The following NCOA1 variants were observed in gnomAD, a reference collection of about 807,000 sequenced individuals.
NCOA1 encodes the protein Hin-2 protein.
A neutral mutation model predicts 150.9 loss-of-function variants in NCOA1; 35 were observed. The observed-to-expected ratio is 0.23, with a 90% CI of 0.18 to 0.31. The LOEUF is 0.31. NCOA1 is among the 10% of genes least tolerant of loss of function. The pLI is 1.00. For missense variants in NCOA1, 1,491 were observed against 1,749.3 expected (o/e 0.85, Z 2.63); for synonymous variants, 590 against 630.0 (o/e 0.94, Z 0.95).
chr2:24,728,913 A>G (rs1572650414), intron 16 of NCOA1, among the ~76,000 whole-genome samples: 1 of 152,268 alleles, frequency 6.6e-6, no homozygotes, highest in East Asian at 1.9e-4. Flanking sequence ...ACAAAGTATG[A>G]GAATGCATAG....
intron 4 of NCOA1, among the ~76,000 whole-genome samples, chr2:24,653,834 G>A (rs965568051): frequency 1.3e-5 from 2 of 152,052 alleles, no homozygotes; most frequent in African/African-American, 4.8e-5. Context: ...TGAAGTAAGC[G>A]TTAGCCAACT....
chr2:24,705,131 T>C lies in NCOA1; in HGVS notation c.995T>C (p.Leu332Ser). Residue 332 changes from leucine to serine, a missense_variant, in exon 12 of 23, where the codon TTG (leucine) becomes TCG (serine). Leu to Ser is a moderately radical substitution (Grantham distance 145, BLOSUM62 -2). Around this residue, in one of 8 missense-constraint regions of NCOA1, gnomAD observed 703 missense variants for 717.7 expected, o/e 0.98. Transcript: ENST00000348332. The part of the protein sequence containing the change: ...TASSPSYRFI[L>S]NDGTMLSAHT... ...TCCAGCCCCTCCTATAGATTCATAT[T>C]GAATGATGGGACAATGCTTAGCGCC... 6.2e-7 allele frequency: 1 copy of C among 1,614,170 alleles called. No homozygotes were observed. The highest frequency in any genetic ancestry group is 8.5e-7 in the Non-Finnish European group (1 of 1,179,994).
chr2:24,731,988 A>G (rs1663038819), intron 17 of NCOA1, among the ~76,000 whole-genome samples: 1 of 152,238 alleles, frequency 6.6e-6, no homozygotes, highest in African/African-American at 2.4e-5. Flanking sequence ...CCAAAAAAGT[A>G]AAGGAAAGTG....
rs557623173 is a variant in NCOA1, at chr2:24,768,272, G to A, written c.4207G>A (p.Val1403Ile). The A allele has an allele frequency of 6.2e-7, 1 of 1,613,734 alleles. No homozygotes were observed. The highest frequency in any genetic ancestry group is 1.1e-5 in the South Asian group (1 of 91,064). Residue 1403 changes from valine to isoleucine, a missense_variant, in exon 23 of 23, where the codon GTA becomes ATA. Val to Ile is a conservative substitution (Grantham distance 29). This residue lies in a region of NCOA1 where 46 missense variants were observed against 78.8 expected (regional missense o/e 0.58). Coordinates refer to ENST00000348332, the MANE Select transcript of NCOA1 (RefSeq NM_003743.5). The part of the protein sequence containing the change: ...FADVQCTVNL[V>I]GGDPYLNQPG... Reference sequence around the variant, plus strand: ...TGACGTCCAGTGTACAGTGAATCTGGTAGGCGGGGACCCTTACCTGAACCA... The same window carrying A: ...TGACGTCCAGTGTACAGTGAATCTGATAGGCGGGGACCCTTACCTGAACCA...
chr2:24,761,447 T>C (rs1051538957), intron 21 of NCOA1, among the ~76,000 whole-genome samples: 1 of 152,242 alleles, frequency 6.6e-6, no homozygotes, highest in Non-Finnish European at 1.5e-5. Context: ...CTAGCAGTCA[T>C]ATTTGGATCC....
chr2:24,561,321 T>A (rs1666284441), intron 1 of NCOA1, among the ~76,000 whole-genome samples: 1 of 152,134 alleles, frequency 6.6e-6, no homozygotes, highest in Admixed American at 6.5e-5. Context: ...GATTTTTAAA[T>A]CATGAATATA....
At chr2:24,564,712 T>A (rs1158657403) in intron 2 of NCOA1, 1 of 152,098 alleles carries the variant, frequency 6.6e-6, no homozygotes, top group Non-Finnish European at 1.5e-5. Flanking sequence ...TGAGATCAGG[T>A]GTGTTCAGGG....
intron 14 of NCOA1, among the ~76,000 whole-genome samples, chr2:24,716,378 GGA>G (rs1674044467): frequency 6.6e-6 from 1 of 151,956 alleles, no homozygotes; most frequent in Non-Finnish European, 1.5e-5. Flanking sequence ...GCAAAATAAT[GGA>G]GAGTCCAGAA....
chr2:24,576,565 G>C (rs1667001660), intron 2 of NCOA1, among the ~76,000 whole-genome samples: 1 of 152,096 alleles, frequency 6.6e-6, no homozygotes, highest in Non-Finnish European at 1.5e-5. Flanking sequence ...TGTTTCATCT[G>C]TTTTATCCAG....
intron 1 of NCOA1, among the ~76,000 whole-genome samples, chr2:24,525,782 A>G (rs1418921369): frequency 6.6e-6 from 1 of 152,086 alleles, no homozygotes; most frequent in Non-Finnish European, 1.5e-5. Context: ...TCCTGGCCTC[A>G]AGTGATCTGC....
chr2:24,637,424 A>G (rs924302463), intron 3 of NCOA1, among the ~76,000 whole-genome samples: 3 of 151,820 alleles, frequency 2.0e-5, no homozygotes, highest in African/African-American at 7.3e-5. Context: ...CACAATAGCA[A>G]AGACTTGGAA....
chr2:24,610,389 C>T (rs186672599), intron 3 of NCOA1, among the ~76,000 whole-genome samples: 1 of 152,032 alleles, frequency 6.6e-6, no homozygotes, highest in African/African-American at 2.4e-5. Context: ...AATCTGCCCA[C>T]CTTGGCCTCC....
intron 5 of NCOA1, among the ~76,000 whole-genome samples, chr2:24,661,056 C>G (rs897185351): frequency 2.0e-5 from 3 of 150,704 alleles, no homozygotes; most frequent in East Asian, 3.9e-4. Context: ...AGCAAAACTC[C>G]GGCTCAAAAA....
chr2:24,743,547 C>A (rs990064508), intron 19 of NCOA1, among the ~76,000 whole-genome samples: 11 of 152,180 alleles, frequency 7.2e-5, no homozygotes, highest in African/African-American at 2.7e-4. Context: ...GATTATAAAT[C>A]CATATTTTAA....
chr2:24,688,548 C>A (rs980597598), intron 8 of NCOA1, among the ~76,000 whole-genome samples: 1 of 152,078 alleles, frequency 6.6e-6, no homozygotes, highest in Non-Finnish European at 1.5e-5. Context: ...ATATGTGTGT[C>A]TTCTTTTGAA....
chr2:24,601,301 C>A (rs1668102954), intron 3 of NCOA1, among the ~76,000 whole-genome samples: 1 of 152,052 alleles, frequency 6.6e-6, no homozygotes, highest in South Asian at 2.1e-4. Flanking sequence ...TAACTTCCAA[C>A]TCCTGGGCTC....
At chr2:24,521,712 A>G (rs995535803) in intron 1 of NCOA1, among the ~76,000 whole-genome samples, 7 of 152,130 alleles carry the variant, frequency 4.6e-5, no homozygotes, top group Admixed American at 2.6e-4. Flanking sequence ...AGATCTCCTT[A>G]ATATACTGAC....
intron 17 of NCOA1, among the ~76,000 whole-genome samples, chr2:24,732,374 C>T (rs76446815): frequency 1.6e-4 from 25 of 152,294 alleles, no homozygotes; most frequent in African/African-American, 5.3e-4. Flanking sequence ...TATGTCTATA[C>T]GCAAAAACAA....
At chr2:24,564,811 T>C (rs1484956798) in intron 2 of NCOA1, 1 of 151,594 alleles carries the variant, frequency 6.6e-6, no homozygotes, top group Non-Finnish European at 1.5e-5. Flanking sequence ...AAGTGTAGAT[T>C]AAGTCTCAGT....
Sources: allele counts gnomAD v4.1 joint callset (sites outside exome capture counted in the v4.1 genomes callset), GRCh38; gene constraint gnomAD v4.1.1; regional missense constraint gnomAD v4.1.1; transcripts MANE v1.5; gene names NCBI Gene and HGNC (gene_info 2026-07-23, HGNC 2026-07-21).